The following BCAS3 variants were observed in gnomAD, a reference collection of about 807,000 sequenced individuals.
BCAS3 encodes the protein BCAS3 microtubule associated cell migration factor.
BCAS3 carries 53 observed loss-of-function variants against 116.1 expected under a neutral mutation model. The observed-to-expected ratio is 0.46, with a 90% confidence interval of 0.37 to 0.57. The LOEUF (loss-of-function observed/expected upper bound fraction) is 0.57. Ranked by LOEUF, BCAS3 falls within the 20% of genes least tolerant of loss-of-function variation. BCAS3 has a pLI of 0.00. For synonymous variants in BCAS3, 391 were observed against 408.2 expected, an observed-to-expected ratio of 0.96 and a Z score of 0.51; for missense variants, 917 against 1,165.4, an observed-to-expected ratio of 0.79 and a Z score of 3.10.
intron 19 of BCAS3, among the ~76,000 whole-genome samples, chr17:61,071,240 CATGCTTA>C (rs2071402424): frequency 6.6e-6 from 1 of 152,124 alleles, no homozygotes; most frequent in African/African-American, 2.4e-5. Flanking sequence ...TCATAATAAC[CATGCTTA>C]TTTCAGAATT....
chr17:61,110,406 C>G, intron 22 of BCAS3, among the ~76,000 whole-genome samples: 1 of 152,224 alleles, frequency 6.6e-6, no homozygotes. Context: ...CAAGCCGAAG[C>G]AGGGCGAGGC....
intron 13 of BCAS3, among the ~76,000 whole-genome samples, chr17:60,942,730 C>T (rs967358228): frequency 2.0e-5 from 3 of 152,110 alleles, no homozygotes; most frequent in Non-Finnish European, 4.4e-5. Flanking sequence ...AAATTTACTT[C>T]ATCTTTTCAC....
intron 4 of BCAS3, among the ~76,000 whole-genome samples, chr17:60,708,775 G>T (rs2037496700): frequency 6.6e-6 from 1 of 152,070 alleles, no homozygotes; most frequent in South Asian, 2.1e-4. Flanking sequence ...TGATCTGCCT[G>T]CCCCAGCCTC....
chr17:61,190,503 G>C (rs1356865508), intron 22 of BCAS3, among the ~76,000 whole-genome samples: 3 of 126,954 alleles, frequency 2.4e-5, no homozygotes, highest in Non-Finnish European at 4.8e-5. Context: ...CTCCAGCCTG[G>C]GCTATGGAAC....
chr17:61,163,629 A>G (rs2078299977), intron 22 of BCAS3, among the ~76,000 whole-genome samples: 1 of 151,466 alleles, frequency 6.6e-6, no homozygotes, highest in South Asian at 2.1e-4. Flanking sequence ...AGAGTCCTTT[A>G]TGGAATGTAG....
intron 6 of BCAS3, among the ~76,000 whole-genome samples, chr17:60,779,821 T>A (rs903318290): frequency 6.6e-6 from 1 of 152,196 alleles, no homozygotes; most frequent in Admixed American, 6.5e-5. Flanking sequence ...TGAGTTTTTC[T>A]AAATCATGCA....
At chr17:60,916,000 A>G (rs773954995) in intron 12 of BCAS3, among the ~76,000 whole-genome samples, 2 of 152,068 alleles carry the variant, frequency 1.3e-5, no homozygotes, top group Non-Finnish European at 2.9e-5. Context: ...GTACTTTTCA[A>G]TCACTCTGTT....
intron 5 of BCAS3, among the ~76,000 whole-genome samples, chr17:60,710,967 T>C (rs1275516579): frequency 6.6e-6 from 1 of 151,842 alleles, no homozygotes; most frequent in Non-Finnish European, 1.5e-5. Context: ...CACACCCAGT[T>C]AATTTTTAAC....
At chr17:61,209,082 T>C (rs1194513983) in intron 22 of BCAS3, among the ~76,000 whole-genome samples, 1 of 151,116 alleles carries the variant, frequency 6.6e-6, no homozygotes, top group East Asian at 1.9e-4. Flanking sequence ...AAACATCCAC[T>C]GTGTGGAAGA....
intron 18 of BCAS3, among the ~76,000 whole-genome samples, chr17:61,039,767 C>A (rs1428965439): frequency 7.9e-5 from 12 of 152,052 alleles, no homozygotes; most frequent in Admixed American, 7.9e-4. Flanking sequence ...TTGGAGAATA[C>A]CTCTGTTTGA....
intron 12 of BCAS3, among the ~76,000 whole-genome samples, chr17:60,913,165 G>A (rs897612578): frequency 6.6e-5 from 10 of 152,014 alleles, no homozygotes; most frequent in Non-Finnish European, 1.3e-4. Flanking sequence ...TAAATGCATT[G>A]ATAACACTTG....
At chr17:61,152,859 C>G (rs887251082) in intron 22 of BCAS3, among the ~76,000 whole-genome samples, 15 of 152,146 alleles carry the variant, frequency 9.9e-5, no homozygotes, top group African/African-American at 3.6e-4. Flanking sequence ...CTAAAACAGC[C>G]TCCTGGAGAT....
At chr17:60,724,203 C>T (rs2144114003) in intron 5 of BCAS3, among the ~76,000 whole-genome samples, 1 of 150,902 alleles carries the variant, frequency 6.6e-6, no homozygotes, top group Non-Finnish European at 1.5e-5. Context: ...GCAGGCGGGC[C>T]CCTTGAGGTC....
intron 22 of BCAS3, among the ~76,000 whole-genome samples, chr17:61,223,536 G>T (rs2082227862): frequency 6.6e-6 from 1 of 152,164 alleles, no homozygotes; most frequent in Non-Finnish European, 1.5e-5. Flanking sequence ...TAGAGAGCTT[G>T]TAAATTGTCT....
intron 6 of BCAS3, among the ~76,000 whole-genome samples, chr17:60,798,675 G>A (rs539211908): frequency 1.4e-4 from 21 of 152,184 alleles, no homozygotes; most frequent in Admixed American, 6.5e-5. Context: ...GCGGACAAAC[G>A]TCTTCAGTTC....
At chr17:60,820,560 A>G (rs540217805) in intron 7 of BCAS3, among the ~76,000 whole-genome samples, 1 of 152,348 alleles carries the variant, frequency 6.6e-6, no homozygotes, top group East Asian at 1.9e-4. Flanking sequence ...ATGGATAGAA[A>G]TAGGCTTGGT....
intron 7 of BCAS3, among the ~76,000 whole-genome samples, chr17:60,852,485 A>T (rs1352748236): frequency 6.6e-6 from 1 of 152,208 alleles, no homozygotes; most frequent in Non-Finnish European, 1.5e-5. Flanking sequence ...TCTTAAGGAA[A>T]ATTTGCTTCC....
chr17:61,345,584 G>A (rs543211714), intron 22 of BCAS3, among the ~76,000 whole-genome samples: 1 of 152,310 alleles, frequency 6.6e-6, no homozygotes, highest in South Asian at 2.1e-4. Context: ...TTGTCATGGT[G>A]CCATTTGACA....
At chr17:60,906,068 T>C (rs1392562276) in intron 11 of BCAS3, among the ~76,000 whole-genome samples, 1 of 152,252 alleles carries the variant, frequency 6.6e-6, no homozygotes, top group Non-Finnish European at 1.5e-5. Context: ...GGCATTCACC[T>C]ATGCAAGCTT....
Sources: allele counts gnomAD v4.1 joint callset (sites outside exome capture counted in the v4.1 genomes callset), GRCh38; gene constraint gnomAD v4.1.1; transcripts MANE v1.5; gene names NCBI Gene and HGNC (gene_info 2026-07-23, HGNC 2026-07-21).